RPN2: variants seen among roughly 807,000 people sequenced by gnomAD.
The protein encoded by RPN2 is dolichyl-diphosphooligosaccharide--protein glycosyltransferase subunit 2.
A neutral mutation model predicts 71.4 loss-of-function variants in RPN2; 29 were observed. The ratio of observed to expected loss-of-function variants is 0.41; its 90% CI spans 0.30 to 0.55. The LOEUF (loss-of-function observed/expected upper bound fraction) is 0.55, where lower values mean the gene tolerates loss of function less well. Among genes scored for constraint, RPN2 ranks in the 20% least tolerant of loss-of-function variants. The pLI is 0.35. For missense variants in RPN2, 726 were observed against 774.1 expected, an observed-to-expected ratio of 0.94 and a Z score of 0.74; for synonymous variants, 308 against 305.0, an observed-to-expected ratio of 1.01 and a Z score of -0.10.
intron 2 of RPN2, among the ~76,000 whole-genome samples, chr20:37,192,226 A>G (rs1230368102): frequency 6.6e-6 from 1 of 152,222 alleles, no homozygotes; most frequent in Non-Finnish European, 1.5e-5. Context: ...AGTAGTAAGT[A>G]TATTTGTTTG....
At chr20:37,204,085 T>C (rs761707374) in intron 5 of RPN2, 125 bp downstream of exon 5, 64 of 730,548 alleles carry the variant, frequency 8.8e-5, no homozygotes, top group Non-Finnish European at 9.3e-5. Flanking sequence ...CATGGCACAC[T>C]TGTGTTCTTT....
At chr20:37,204,953 A>C in intron 6 of RPN2, 52 bp downstream of exon 6, 1 of 1,613,500 alleles carries the variant, frequency 6.2e-7, no homozygotes, top group Non-Finnish European at 8.5e-7. Flanking sequence ...CATCAGCTGT[A>C]TCTGCTAAGG....
intron 13 of RPN2, 122 bp downstream of exon 13, chr20:37,230,181 T>C: frequency 1.2e-6 from 1 of 831,834 alleles, no homozygotes. Flanking sequence ...TCACACCCTG[T>C]GGATTAGGCA....
chr20:37,238,283 C>T, intron 16 of RPN2: 1 of 798,824 alleles, frequency 1.3e-6, no homozygotes, highest in Non-Finnish European at 2.2e-6. Context: ...ATGAACTCTA[C>T]CCTGGAAAAA....
At chr20:37,225,385 G>C (rs1226901880) in intron 10 of RPN2, among the ~76,000 whole-genome samples, 6 of 152,206 alleles carry the variant, frequency 3.9e-5, no homozygotes, top group Admixed American at 3.9e-4. Context: ...AGCTCCTCTG[G>C]TGCCTGACTT....
In RPN2 at chr20:37,210,115, T is replaced by C. The variant is rs1385973661; in HGVS notation, c.936T>C (p.Ser312=). The part of the protein sequence containing the change: ...QATVKLEHAK[S]VASRATVLQK... ...CTGTTAAACTAGAACATGCTAAATC[T>C]GTTGCTTCCAGAGCCACTGTCCTCC... The change falls in exon 8 of 17, where the codon TCT becomes TCC. Residue 312 remains serine (S), a synonymous_variant. Coordinates refer to ENST00000237530, the MANE Select transcript of RPN2 (RefSeq NM_002951.5). 3.7e-6 allele frequency: 6 copies of C among 1,614,192 alleles called. No individual in the cohort carries two copies. The highest frequency in any genetic ancestry group is 1.1e-5 in the South Asian group (1 of 91,084).
intron 6 of RPN2, among the ~76,000 whole-genome samples, chr20:37,205,145 C>T (rs1308788235): frequency 3.9e-5 from 6 of 152,044 alleles, no homozygotes; most frequent in Admixed American, 2.0e-4. Context: ...GTACATGTCA[C>T]GAGGTAGTAT....
intron 4 of RPN2, among the ~76,000 whole-genome samples, chr20:37,201,130 C>T (rs539627397): frequency 4.0e-5 from 6 of 151,396 alleles, no homozygotes; most frequent in Non-Finnish European, 8.8e-5. Context: ...GGTGTGAAGA[C>T]CCTAGCGCAG....
intron 15 of RPN2, among the ~76,000 whole-genome samples, chr20:37,235,930 G>A (rs1047629275): frequency 1.3e-5 from 2 of 152,142 alleles, no homozygotes; most frequent in African/African-American, 2.4e-5. Context: ...GATTACAGGT[G>A]TGAGCTCCCG....
intron 2 of RPN2, among the ~76,000 whole-genome samples, chr20:37,190,516 G>A (rs1036047561): frequency 4.6e-5 from 7 of 152,182 alleles, no homozygotes; most frequent in African/African-American, 1.7e-4. Context: ...TCAGCTCACA[G>A]ATAATGTGTG....
intron 11 of RPN2, among the ~76,000 whole-genome samples, chr20:37,227,123 C>T (rs1020164062): frequency 2.6e-5 from 4 of 152,228 alleles, no homozygotes; most frequent in African/African-American, 9.6e-5. Flanking sequence ...TCCCTACTCC[C>T]AAACTCCAGA....
At chr20:37,238,332 A>C (rs1207362001) in intron 16 of RPN2, 1 of 1,246,500 alleles carries the variant, frequency 8.0e-7, no homozygotes, top group Non-Finnish European at 1.2e-6. Flanking sequence ...GGTGTTTGTC[A>C]TTTCTTTCCT....
At chr20:37,206,753 G>A (rs1307124452) in intron 6 of RPN2, among the ~76,000 whole-genome samples, 1 of 151,976 alleles carries the variant, frequency 6.6e-6, no homozygotes, top group Non-Finnish European at 1.5e-5. Context: ...CTGTCGCCCA[G>A]GTTGGAGTGC....
chr20:37,183,861 G>A (rs1390447470), intron 1 of RPN2, among the ~76,000 whole-genome samples: 1 of 152,228 alleles, frequency 6.6e-6, no homozygotes, highest in Non-Finnish European at 1.5e-5. Context: ...AGGAGATCTG[G>A]TTGAGAGGCT....
rs1234264251 is a variant in RPN2 at position 37,238,312 on chromosome 20, G to T, written c.1883+1603G>T. 9 of 983,190 alleles carry T rather than the reference G, an allele frequency of 9.2e-6. No individual in the cohort carries two copies. The Admixed American group carries it at 1.8e-4, about 19-fold the overall frequency. 60.9% of individuals were successfully genotyped at this position (983,190 alleles called of 1,614,324 possible). ...GGAAAAATCAGTGACCCTAATGGAA[G>T]CTCTGGTTGGGTGTTTGTCATTTCT... On this transcript the variant is annotated intron_variant, in intron 16 of 16. Transcript: ENST00000237530.
Position 37,199,175 on chromosome 20 carries a change from A to G in RPN2, c.429A>G (p.Glu143=), listed in dbSNP as rs1324607697. 1 of 1,614,180 alleles carries G rather than the reference A, an allele frequency of 6.2e-7. No homozygotes were observed. Among genetic ancestry groups the G allele is most frequent in the Admixed American group, 1.7e-5 (1 of 60,026 alleles). Residue 143 remains glutamate, a synonymous_variant, in exon 4 of 17, where the codon GAA becomes GAG. Transcript: ENST00000237530. ...SGFGLPLASQ[E]ALSALTARLS... ...TTGGCCTTCCCTTGGCATCCCAAGA[A>G]GCACTCAGTGCCCTTACTGCTCGTC... is the stretch of plus-strand genomic sequence containing the variant.
intron 15 of RPN2, 56 bp downstream of exon 15, chr20:37,234,151 A>T (rs2068321752): frequency 6.4e-7 from 1 of 1,564,530 alleles, no homozygotes; most frequent in Non-Finnish European, 8.8e-7. Context: ...TAGCCTGCCC[A>T]CGCAAAAGCC....
At chr20:37,226,426 C>T (rs1339945601) in intron 11 of RPN2, among the ~76,000 whole-genome samples, 5 of 152,146 alleles carry the variant, frequency 3.3e-5, no homozygotes, top group Non-Finnish European at 7.3e-5. Flanking sequence ...TGGCTCACGC[C>T]TGTAATCCCA....
chr20:37,210,297 A>G (rs1042092425), intron 8 of RPN2, 132 bp downstream of exon 8: 2 of 1,496,774 alleles, frequency 1.3e-6, no homozygotes, highest in East Asian at 2.3e-5. Context: ...CTACAGTCGA[A>G]TGTAAGAAAA....
Sources: gnomAD v4.1 joint callset for allele counts (sites outside exome capture counted in the v4.1 genomes callset) on GRCh38, gnomAD v4.1.1 for gene constraint, MANE v1.5 for transcripts, NCBI Gene and HGNC (gene_info 2026-07-23, HGNC 2026-07-21) for gene names.